Variants in C4orf50 observed in about 807,000 individuals in gnomAD.
The protein encoded by C4orf50 is chromosome 4 open reading frame 50.
A neutral mutation model predicts 77.2 loss-of-function variants in C4orf50; 80 were observed. The ratio of observed to expected loss-of-function variants is 1.04; its 90% CI spans 0.87 to 1.25. C4orf50 has a LOEUF of 1.25. Among genes scored for constraint, C4orf50 ranks in the 50% most tolerant of loss-of-function variants. C4orf50 has a pLI of 0.00. For missense variants in C4orf50, 1,257 were observed against 1,152.9 expected (o/e 1.09, Z -1.31); for synonymous variants, 532 against 465.3 (o/e 1.14, Z -1.84).
Position 5,970,905 on chromosome 4 carries a change from G to T in C4orf50, c.4104+2754C>A, listed in dbSNP as rs145996799. Among the ~76,000 whole-genome samples, 36 of 152,276 alleles carry T rather than the reference G, an allele frequency of 2.4e-4. 1 individual carries two copies. In the East Asian group the frequency reaches 6.4e-3, roughly 27 times the overall value. ...GCAGATCCATGGAGAGCGTGCGAGG[G>T]GGAGGGCAGCATGAGTCTTGGCCAC... is the stretch of plus-strand genomic sequence containing the variant. On this transcript the variant is annotated intron_variant, in intron 31 of 33. Coordinates refer to ENST00000531445, the Ensembl canonical transcript of C4orf50. This position sits in a 1 kb window ranked among gnomAD's most constrained non-coding sequence, Gnocchi z 4.3.
At chr4:5,974,227 C>T (rs1560574952) in intron 30 of C4orf50, among the ~76,000 whole-genome samples, 2 of 152,188 alleles carry the variant, frequency 1.3e-5, no homozygotes, top group African/African-American at 2.4e-5. Flanking sequence ...CAGGCAGGCA[C>T]CTACCGAGTG....
At chr4:6,003,609 A>G (rs200832172) in intron 25 of C4orf50, among the ~76,000 whole-genome samples, 23,061 of 75,626 alleles carry the variant, frequency 0.3, 2,461 homozygotes, top group South Asian at 0.39. Flanking sequence ...GGTGATGGTG[A>G]TGATGGTGAT....
intron 29 of C4orf50, among the ~76,000 whole-genome samples, chr4:5,977,836 T>C (rs1006298765): frequency 1.3e-5 from 2 of 152,214 alleles, no homozygotes; most frequent in Non-Finnish European, 2.9e-5. Context: ...GAGATAAGTA[T>C]TGGGCATTTG....
chr4:5,899,883 G>A (rs1156761463), intron 7 of C4orf50: 1 of 152,236 alleles, frequency 6.6e-6, no homozygotes, highest in Admixed American at 6.5e-5. Context: ...TGCAACCAGG[G>A]TGAAGAATCA....
intron 29 of C4orf50, among the ~76,000 whole-genome samples, chr4:5,977,683 CA>C (rs1720363181): frequency 6.6e-6 from 1 of 152,326 alleles, no homozygotes; most frequent in African/African-American, 2.4e-5. Flanking sequence ...TGTTTTGGCA[CA>C]GCATTCCTAA....
intron 31 of C4orf50, 116 bp from the exon 10 acceptor site, chr4:5,967,578 T>C: frequency 1.2e-6 from 1 of 846,700 alleles, no homozygotes; most frequent in Non-Finnish European, 2.0e-6. Context: ...AAAACCGCTT[T>C]CTGTGTAGGA....
At position 5,959,417 on chromosome 4, in the gene C4orf50, G is replaced by C. The variant is rs140193116; in HGVS notation, c.4485C>G (p.Ser1495Arg). 8.5e-5 allele frequency: 138 copies of C among 1,614,204 alleles called. 1 individual carries two copies. In the African/African-American group the frequency reaches 1.7e-3, roughly 19 times the overall value. ...GCGGTGATTTATGGACCTGGGAATT[G>C]CTGCAAATGCTTTGTCTAAGCTCTT... The change falls in exon 34 of 34, where the codon AGC (serine) becomes AGG (arginine). Residue 1495 changes from serine (S) to arginine (R), a missense_variant. Physicochemically the swap from Ser to Arg is moderately radical, Grantham distance 110. Coordinates refer to ENST00000531445, the Ensembl canonical transcript of C4orf50.
chr4:5,961,223 G>A (rs149706394), intron 33 of C4orf50, among the ~76,000 whole-genome samples: 2,209 of 152,342 alleles, frequency 0.015, 23 homozygotes, highest in Non-Finnish European at 0.025. Context: ...GCTGAGGCGG[G>A]AGAATCGCTC....
chr4:5,958,700 G>T lies in C4orf50; in HGVS notation c.*675C>A, dbSNP rs577488825. ...TGGCATCCAGTGGATATCAACAGAC[G>T]TTTTTGGAGTGGATGGACTGATTAG... On this transcript the variant is annotated 3_prime_UTR_variant, in exon 34 of 34. Transcript: ENST00000531445. This position sits in a 1 kb window ranked among gnomAD's most constrained non-coding sequence, Gnocchi z 5.4. 1 of 152,194 alleles carries T rather than the reference G, an allele frequency of 6.6e-6. No individual in the cohort carries two copies. The highest frequency in any genetic ancestry group is 1.9e-4 in the East Asian group (1 of 5,188). The allele number at this position is 152,194 out of a possible 1,614,324, so 9.4% of individuals were successfully genotyped here. A position where few individuals can be genotyped will look rare whatever the true frequency, so the allele number is the denominator to read the frequency against.
rs1207150918 is a variant in C4orf50, at chr4:6,017,467, C to G, written c.287+678G>C. ...TGACTCTTGACTAACCCTGAGTCCA[C>G]GAATGCCTCCAAGATGTGGAGTTGA... On this transcript the variant is annotated intron_variant, in intron 23 of 33. Coordinates refer to ENST00000531445, the Ensembl canonical transcript of C4orf50. The surrounding 1 kb of genome is among the most constrained non-coding windows in gnomAD (Gnocchi z 4.7). Among the ~76,000 whole-genome samples the G allele has an allele frequency of 6.6e-6, 1 of 152,218 alleles. No homozygotes were observed. The highest frequency in any genetic ancestry group is 1.9e-4 in the East Asian group (1 of 5,196).
chr4:6,000,474 C>A lies in C4orf50; in HGVS notation c.964-5998G>T, dbSNP rs987782472. On this transcript the variant is annotated intron_variant, in intron 25 of 33. Transcript: ENST00000531445. The surrounding 1 kb of genome is among the most constrained non-coding windows in gnomAD (Gnocchi z 6.0). ...GGCAGCCCTTTTTGACCTCAAGATGCTGTTTGTGGGCCATCAGCTTCCTTC... is the reference window on the plus strand; with the variant it reads ...GGCAGCCCTTTTTGACCTCAAGATGATGTTTGTGGGCCATCAGCTTCCTTC... Among the ~76,000 whole-genome samples, 12 of 152,160 alleles carry A rather than the reference C, an allele frequency of 7.9e-5. No homozygotes were observed. The highest frequency in any genetic ancestry group is 2.7e-4 in the African/African-American group (11 of 41,450).
chr4:5,965,197 G>T (rs781646696), intron 32 of C4orf50, 52 bp from the exon 11 acceptor site: 1 of 1,569,032 alleles, frequency 6.4e-7, no homozygotes, highest in Non-Finnish European at 8.7e-7. Context: ...TAGGTGAAAA[G>T]TCTACAAGTG....
At chr4:5,961,791 A>G (rs1035257427) in intron 33 of C4orf50, among the ~76,000 whole-genome samples, 2 of 152,020 alleles carry the variant, frequency 1.3e-5, no homozygotes, top group South Asian at 2.1e-4. Flanking sequence ...TTTTCAGGAC[A>G]TGTCTGTATA....
At chr4:5,968,186 GCTCT>G (rs1233946590) in intron 31 of C4orf50, among the ~76,000 whole-genome samples, 3 of 152,164 alleles carry the variant, frequency 2.0e-5, no homozygotes, top group East Asian at 1.9e-4. Flanking sequence ...AAAGGGCTCT[GCTCT>G]CTCTCTGTCT....
In C4orf50 at chr4:5,910,067, G is replaced by A. The variant is rs190345198; in HGVS notation, c.*2475-11879C>T. Among the ~76,000 whole-genome samples, 266 of 152,108 alleles carry A rather than the reference G, an allele frequency of 1.7e-3. 1 individual carries two copies. The highest frequency in any genetic ancestry group is 4.1e-4 in the Non-Finnish European group (28 of 68,010). On this transcript the variant is annotated intron_variant, in intron 7 of 7. Coordinates refer to the C4orf50 transcript ENST00000324058. ...ATGGCATTGGTATTTTGATAGGGAC[G>A]GCATTGAATCTGTAGATCGCTTTGG...
chr4:5,918,086 A>G (rs1426232081), intron 7 of C4orf50, among the ~76,000 whole-genome samples: 1 of 152,136 alleles, frequency 6.6e-6, no homozygotes, highest in East Asian at 1.9e-4. Context: ...TGCTGTCAGG[A>G]AGCTCCGGGA....
chr4:5,948,853 C>T (rs374906146), intron 7 of C4orf50, among the ~76,000 whole-genome samples: 255 of 148,630 alleles, frequency 1.7e-3, no homozygotes, highest in African/African-American at 4.8e-3. Flanking sequence ...CCCAGCTACT[C>T]GGGAGGCTGA....
rs912970272 is a variant in C4orf50 at position 6,009,666 on chromosome 4, C to T, written c.427-1134G>A. 1.3e-5 allele frequency among the ~76,000 whole-genome samples: 2 copies of T among 152,202 alleles called. No individual in the cohort carries two copies. Among genetic ancestry groups the T allele is most frequent in the African/African-American group, 4.8e-5 (2 of 41,448 alleles). ...AACGAGGCATCTTCATATGCAAATGCTTACTGGAAACATTGGCAGCAACAA... is the reference window on the plus strand; with the variant it reads ...AACGAGGCATCTTCATATGCAAATGTTTACTGGAAACATTGGCAGCAACAA... On this transcript the variant is annotated intron_variant, in intron 24 of 33. Transcript: ENST00000531445. The surrounding 1 kb of genome is among the most constrained non-coding windows in gnomAD (Gnocchi z 5.6).
intron 25 of C4orf50, among the ~76,000 whole-genome samples, chr4:6,003,997 TG>T (rs1221548174): frequency 1.4e-5 from 2 of 144,506 alleles, no homozygotes; most frequent in African/African-American, 2.7e-5. Context: ...ATGGTGATGA[TG>T]GTGATGGTGA....
Sources: gnomAD v4.1 joint callset for allele counts (sites outside exome capture counted in the v4.1 genomes callset) on GRCh38, gnomAD v4.1.1 for gene constraint, Gnocchi (gnomAD v3.1) non-coding constraint, MANE v1.5 for transcripts, NCBI Gene and HGNC (gene_info 2026-07-23, HGNC 2026-07-21) for gene names.